Variants in DGKB observed in about 807,000 individuals in gnomAD.
DGKB encodes diacylglycerol kinase beta, also known as 90 kDa diacylglycerol kinase.
Under a neutral mutation model 114.3 loss-of-function variants are expected in DGKB, and 67 were observed. That is an observed-to-expected ratio of 0.59 (90% CI 0.48 to 0.72). The LOEUF (loss-of-function observed/expected upper bound fraction) is 0.72. Ranked by LOEUF, DGKB falls within the 30% of genes least tolerant of loss-of-function variation. DGKB has a pLI of 0.00. For synonymous variants in DGKB, 398 were observed against 323.1 expected, an observed-to-expected ratio of 1.23 and a Z score of -2.49; for missense variants, 907 against 975.2, an observed-to-expected ratio of 0.93 and a Z score of 0.93.
At chr7:14,401,090 C>G (rs1415401334) in intron 21 of DGKB, among the ~76,000 whole-genome samples, 2 of 151,978 alleles carry the variant, frequency 1.3e-5, no homozygotes, top group African/African-American at 4.8e-5. Context: ...GTGACAACAT[C>G]TCTAATAAAA....
At chr7:14,936,274 T>TA (rs1359026607) in intron 1 of DGKB, among the ~76,000 whole-genome samples, 1 of 152,166 alleles carries the variant, frequency 6.6e-6, no homozygotes, top group East Asian at 1.9e-4. Context: ...CACATAGAAG[T>TA]ATTGCATTTG....
At chr7:14,972,138 TAG>T (rs1428066531) in intron 1 of DGKB, among the ~76,000 whole-genome samples, 1 of 152,160 alleles carries the variant, frequency 6.6e-6, no homozygotes, top group Non-Finnish European at 1.5e-5. Flanking sequence ...TGAAAAAAAT[TAG>T]AGTCTGGAAT....
At chr7:14,355,148 C>T (rs1188112528) in intron 21 of DGKB, among the ~76,000 whole-genome samples, 1 of 152,064 alleles carries the variant, frequency 6.6e-6, no homozygotes, top group Non-Finnish European at 1.5e-5. Context: ...CCTCTCTCCC[C>T]CTCCCTCCCT....
intron 1 of DGKB, among the ~76,000 whole-genome samples, chr7:14,918,141 A>G (rs1784330587): frequency 6.6e-6 from 1 of 152,170 alleles, no homozygotes; most frequent in African/African-American, 2.4e-5. Flanking sequence ...TACAGGTAAC[A>G]TCATACTTAG....
intron 21 of DGKB, among the ~76,000 whole-genome samples, chr7:14,355,555 G>C (rs750540487): frequency 1.3e-5 from 2 of 152,122 alleles, no homozygotes; most frequent in African/African-American, 2.4e-5. Flanking sequence ...TTTGTCGTTG[G>C]TTCTGTTTAT....
intron 2 of DGKB, among the ~76,000 whole-genome samples, chr7:14,792,685 TA>T (rs1211395479): frequency 6.6e-6 from 1 of 151,970 alleles, no homozygotes; most frequent in Non-Finnish European, 1.5e-5. Flanking sequence ...AAACGTAAGT[TA>T]AAATATGTTT....
intron 9 of DGKB, 23 bp from the exon 10 acceptor site, chr7:14,685,385 A>T: frequency 1.3e-6 from 2 of 1,522,048 alleles, no homozygotes; most frequent in Non-Finnish European, 1.8e-6. Flanking sequence ...TAAGAGAAAC[A>T]GATTTCACTT....
rs200353333 is a variant in DGKB at position 14,696,285 on chromosome 7, A to T, written c.591+1810T>A. Among the ~76,000 whole-genome samples, 61 of 151,854 alleles carry T rather than the reference A, an allele frequency of 4.0e-4. No individual in the cohort carries two copies. In the East Asian group the frequency reaches 0.011, roughly 28 times the overall value. On this transcript the variant is annotated intron_variant, in intron 8 of 25. Coordinates refer to ENST00000402815, the MANE Select transcript of DGKB (RefSeq NM_001350709.2). Reference sequence around the variant, plus strand: ...GAGGCGGGTGGATCAGGAGGTCAGGAGATCGAGACCATCCTGGCTAACACG... The same window carrying T: ...GAGGCGGGTGGATCAGGAGGTCAGGTGATCGAGACCATCCTGGCTAACACG...
rs547407249 is a variant in DGKB, at chr7:14,229,788, TAA to T, written c.2123-51639_2123-51638del. On this transcript the variant is annotated intron_variant, in intron 23 of 25. Coordinates refer to ENST00000402815, the MANE Select transcript of DGKB (RefSeq NM_001350709.2). ...AAAGTTGTTAAATAAAATATTTTGTTAAGTGTAACAGGATAAATTATGATATA... is the reference window on the plus strand; with the variant it reads ...AAAGTTGTTAAATAAAATATTTTGTTGTGTAACAGGATAAATTATGATATA... 8.1e-3 allele frequency among the ~76,000 whole-genome samples: 1,234 copies of T among 152,084 alleles called. 21 individuals carry two copies. Among genetic ancestry groups the T allele is most frequent in the African/African-American group, 0.029 (1,190 of 41,522 alleles).
At chr7:14,916,485 A>G (rs1784245811) in intron 1 of DGKB, among the ~76,000 whole-genome samples, 1 of 152,126 alleles carries the variant, frequency 6.6e-6, no homozygotes, top group Non-Finnish European at 1.5e-5. Flanking sequence ...ATCAAAGTAA[A>G]GCTGGATTAA....
chr7:14,193,157 C>G (rs1211270319), intron 23 of DGKB, among the ~76,000 whole-genome samples: 1 of 143,404 alleles, frequency 7.0e-6, no homozygotes, highest in East Asian at 2.1e-4. Context: ...GGGTTAGGGA[C>G]CCCTGCTTCA....
chr7:14,554,954 A>T (rs1374318887), intron 20 of DGKB, among the ~76,000 whole-genome samples: 2 of 152,162 alleles, frequency 1.3e-5, no homozygotes, highest in East Asian at 3.8e-4. Flanking sequence ...ATATATTTTT[A>T]AAATGAAAGA....
intron 1 of DGKB, among the ~76,000 whole-genome samples, chr7:14,860,922 G>A (rs1049568260): frequency 6.6e-6 from 1 of 151,870 alleles, no homozygotes; most frequent in African/African-American, 2.4e-5. Flanking sequence ...AGATTTTTCT[G>A]AGAATTAAAG....
At chr7:14,652,741 A>G (rs932030937) in intron 13 of DGKB, among the ~76,000 whole-genome samples, 36 of 152,002 alleles carry the variant, frequency 2.4e-4, no homozygotes, top group African/African-American at 8.7e-4. Context: ...AAATTTTCGC[A>G]ATCTACTCAT....
At chr7:14,419,657 T>TA (rs947555806) in intron 21 of DGKB, among the ~76,000 whole-genome samples, 3 of 150,536 alleles carry the variant, frequency 2.0e-5, no homozygotes, top group Non-Finnish European at 1.5e-5. Context: ...CTGGAACTGA[T>TA]AGTGTTCCAG....
chr7:14,393,854 A>T (rs1821817857), intron 21 of DGKB, among the ~76,000 whole-genome samples: 1 of 152,184 alleles, frequency 6.6e-6, no homozygotes, highest in African/African-American at 2.4e-5. Context: ...CTCTGAACTG[A>T]TGTTACATAT....
Position 14,718,602 on chromosome 7 carries a change from T to C in DGKB, c.406A>G (p.Lys136Glu). 6.2e-7 allele frequency: 1 copy of C among 1,612,942 alleles called. No homozygotes were observed. The highest frequency in any genetic ancestry group is 8.5e-7 in the Non-Finnish European group (1 of 1,179,244). ...AGAGACAGGTAACAGACAATGTCCTTCAGATGGATTACTTCTGGGGAACAC... is the reference window on the plus strand; with the variant it reads ...AGAGACAGGTAACAGACAATGTCCTCCAGATGGATTACTTCTGGGGAACAC... ...NTCSPEVIHL[K>E]DIVCYLSLLE... Residue 136 changes from lysine to glutamate, a missense_variant, in exon 6 of 26, where the codon AAG (lysine) becomes GAG (glutamate). Lys to Glu is a moderately conservative substitution (Grantham distance 56, BLOSUM62 1). Around this residue, in one of 3 missense-constraint regions of DGKB, gnomAD observed 814 missense variants for 856.6 expected, o/e 0.95. Transcript: ENST00000402815.
At chr7:14,271,374 A>C (rs1562798422) in intron 23 of DGKB, among the ~76,000 whole-genome samples, 2 of 152,170 alleles carry the variant, frequency 1.3e-5, no homozygotes, top group African/African-American at 4.8e-5. Context: ...AGACCAAAGC[A>C]TCTTAAAGGT....
chr7:14,856,857 T>A (rs1850225448), intron 1 of DGKB, among the ~76,000 whole-genome samples: 1 of 152,180 alleles, frequency 6.6e-6, no homozygotes, highest in South Asian at 2.1e-4. Flanking sequence ...CAAACTGGAC[T>A]TACTTTAGTC....
Sources: gnomAD v4.1 joint callset for allele counts (sites outside exome capture counted in the v4.1 genomes callset) on GRCh38, gnomAD v4.1.1 for gene constraint, gnomAD v4.1.1 regional missense constraint, MANE v1.5 for transcripts, NCBI Gene and HGNC (gene_info 2026-07-23, HGNC 2026-07-21) for gene names.